The following DMD variants were observed in gnomAD, a reference collection of about 807,000 sequenced individuals.
The protein encoded by DMD is dystrophin, also known as mutant dystrophin.
In DMD, 63 loss-of-function variants were observed where a neutral mutation model predicts 330.1. That is an observed-to-expected ratio of 0.19 (90% CI 0.16 to 0.24). DMD has a LOEUF of 0.24. DMD is among the 10% of genes least tolerant of loss of function. The probability of loss-of-function intolerance (pLI) is 1.00; values close to 1 mark genes in which losing one functional copy is unlikely to be tolerated. For synonymous variants in DMD, 1,223 were observed against 959.8 expected, an observed-to-expected ratio of 1.27 and a Z score of -5.07; for missense variants, 3,344 against 2,684.1, an observed-to-expected ratio of 1.25 and a Z score of -5.43.
intron 55 of DMD, among the ~76,000 whole-genome samples, chrX:31,613,510 A>C (rs1230553517): frequency 8.9e-6 from 1 of 111,863 alleles, no homozygotes; most frequent in Non-Finnish European, 1.9e-5. Flanking sequence ...AGGGATAAGC[A>C]AGCCCCATTG....
At chrX:32,559,827 G>A (rs958398914) in intron 16 of DMD, among the ~76,000 whole-genome samples, 10 of 110,689 alleles carry the variant, frequency 9.0e-5, no homozygotes, top group Non-Finnish European at 1.1e-4. Flanking sequence ...TGCTTGCTTC[G>A]GCAGCACACA....
intron 7 of DMD, among the ~76,000 whole-genome samples, chrX:32,703,087 T>A (rs2064281079): frequency 1.8e-5 from 2 of 111,453 alleles, no homozygotes; most frequent in Non-Finnish European, 3.8e-5. Flanking sequence ...GTGGATTCAC[T>A]TCAATGAAGA....
rs371273706 is a variant in DMD at position 31,315,673 on chromosome X, G to A, written c.9224+7925C>T. On this transcript the variant is annotated intron_variant, in intron 62 of 78. Coordinates refer to ENST00000357033, the MANE Select transcript of DMD (RefSeq NM_004006.3). ...GCTATACCATGTGTATTATAATACA[G>A]GATTATTTTCCCCATACACACATTA... is the stretch of plus-strand genomic sequence containing the variant. 4.5e-5 allele frequency among the ~76,000 whole-genome samples: 5 copies of A among 112,350 alleles called. No individual in the cohort carries two copies. The East Asian group carries it at 1.1e-3, about 25-fold the overall frequency.
At chrX:32,506,463 T>A (rs2044637973) in intron 18 of DMD, among the ~76,000 whole-genome samples, 1 of 102,864 alleles carries the variant, frequency 9.7e-6, no homozygotes, top group South Asian at 4.6e-4. Context: ...ATAAACTCCA[T>A]CAGGAATAGC....
intron 16 of DMD, among the ~76,000 whole-genome samples, chrX:32,557,505 G>A (rs1035606938): frequency 1.1e-4 from 12 of 111,747 alleles, no homozygotes; most frequent in Admixed American, 5.7e-4. Flanking sequence ...TTTTCATTGC[G>A]TTGTCTGTCT....
intron 44 of DMD, among the ~76,000 whole-genome samples, chrX:32,077,126 C>T (rs147780482): frequency 1.2e-3 from 131 of 111,057 alleles, no homozygotes; most frequent in African/African-American, 4.2e-3. Context: ...TTAGAAATCA[C>T]GATAATGCTT....
At chrX:32,125,309 G>A (rs2096656348) in intron 44 of DMD, among the ~76,000 whole-genome samples, 1 of 111,671 alleles carries the variant, frequency 9.0e-6, no homozygotes. Context: ...CCAGGTGACA[G>A]ATTTAATAAT....
At chrX:31,926,189 T>C (rs2094773141) in intron 47 of DMD, among the ~76,000 whole-genome samples, 1 of 111,307 alleles carries the variant, frequency 9.0e-6, no homozygotes, top group Non-Finnish European at 1.9e-5. Context: ...CGGGTATCAT[T>C]GTTAAAGGCT....
At chrX:33,321,031 A>G (rs1044661597) in intron 1 of DMD, among the ~76,000 whole-genome samples, 5 of 111,606 alleles carry the variant, frequency 4.5e-5, no homozygotes, top group African/African-American at 1.6e-4. Flanking sequence ...TTGTCACCAT[A>G]TCTCCAGTGA....
Position 32,410,743 on chromosome X carries a change from A to G in DMD, c.4233+1009T>C, listed in dbSNP as rs367643893. ...GACTTTTGAATAAATAATACCTATG[A>G]TAACTTCACATATGTTTAAATGTTA... On this transcript the variant is annotated intron_variant, in intron 30 of 78. Transcript: ENST00000357033. 1.4e-4 allele frequency among the ~76,000 whole-genome samples: 16 copies of G among 112,189 alleles called. No individual in the cohort carries two copies. In the East Asian group the frequency reaches 3.9e-3, roughly 28 times the overall value.
chrX:32,472,567 CAGGAAACAGAAAAACAGATAAGGG>C lies in DMD; in HGVS notation c.2804-282_2804-259del, dbSNP rs2040772090. Among the ~76,000 whole-genome samples the C allele has an allele frequency of 1.4e-4, 15 of 110,731 alleles. No individual in the cohort carries two copies. The South Asian group carries it at 5.4e-3, about 40-fold the overall frequency. On this transcript the variant is annotated intron_variant, in intron 21 of 78. Coordinates refer to ENST00000357033, the MANE Select transcript of DMD (RefSeq NM_004006.3). Reference sequence around the variant, plus strand: ...TATTGTTCAATTCGTTTTATAAGGTCAGGAAACAGAAAAACAGATAAGGGCAGGAAACAGAAAAACAGAGAAGCT... The same window carrying C: ...TATTGTTCAATTCGTTTTATAAGGTCCAGGAAACAGAAAAACAGAGAAGCT...
chrX:32,681,032 C>A (rs1365397485), intron 9 of DMD, among the ~76,000 whole-genome samples: 2 of 112,336 alleles, frequency 1.8e-5, no homozygotes, highest in Non-Finnish European at 3.8e-5. Flanking sequence ...TAGTTTTCCT[C>A]TTTATCTAAT....
At chrX:32,347,177 A>G (rs1280109816) in intron 38 of DMD, among the ~76,000 whole-genome samples, 1 of 111,759 alleles carries the variant, frequency 8.9e-6, no homozygotes, top group African/African-American at 3.3e-5. Flanking sequence ...ATATAGACAC[A>G]TTATATACTT....
intron 44 of DMD, among the ~76,000 whole-genome samples, chrX:32,133,604 T>C (rs1009939747): frequency 9.0e-6 from 1 of 111,376 alleles, no homozygotes; most frequent in African/African-American, 3.3e-5. Flanking sequence ...CTATAGTCTT[T>C]ATTATTTCAG....
At chrX:32,383,452 G>C (rs948482320) in intron 33 of DMD, among the ~76,000 whole-genome samples, 1 of 111,142 alleles carries the variant, frequency 9.0e-6, no homozygotes, top group Non-Finnish European at 1.9e-5. Flanking sequence ...ATTAGACAAA[G>C]CTACTGCTGT....
chrX:32,049,056 C>T (rs1403438896), intron 44 of DMD, among the ~76,000 whole-genome samples: 2 of 111,021 alleles, frequency 1.8e-5, no homozygotes, highest in African/African-American at 6.6e-5. Context: ...TGAATGAAAG[C>T]CACTGTCAGT....
intron 74 of DMD, among the ~76,000 whole-genome samples, chrX:31,166,996 G>A (rs2039489187): frequency 8.9e-6 from 1 of 111,751 alleles, no homozygotes; most frequent in African/African-American, 3.3e-5. Context: ...ATATCTTCCA[G>A]GGTAAAGCGG....
chrX:31,925,353 A>C (rs1175967150), intron 47 of DMD, among the ~76,000 whole-genome samples: 2 of 111,755 alleles, frequency 1.8e-5, no homozygotes, highest in Non-Finnish European at 3.8e-5. Context: ...GTGTTCAAAA[A>C]TAAAGAATGA....
At chrX:32,448,776 C>T in intron 26 of DMD, 138 bp from the exon 27 acceptor site, 1 of 526,287 alleles carries the variant, frequency 1.9e-6, no homozygotes, top group Non-Finnish European at 2.9e-6. Flanking sequence ...ATATGAACTC[C>T]AGTCTCTTCC....
Sources: allele counts gnomAD v4.1 joint callset (sites outside exome capture counted in the v4.1 genomes callset), GRCh38; gene constraint gnomAD v4.1.1; transcripts MANE v1.5; gene names NCBI Gene and HGNC (gene_info 2026-07-23, HGNC 2026-07-21).